IMMP2L: variants seen among roughly 807,000 people sequenced by gnomAD.
The protein encoded by IMMP2L is mitochondrial inner membrane protease subunit 2.
IMMP2L carries 18 observed loss-of-function variants against 19.3 expected under a neutral mutation model. The observed-to-expected ratio is 0.93, with a 90% confidence interval of 0.64 to 1.38. The LOEUF (loss-of-function observed/expected upper bound fraction) is 1.38. IMMP2L is among the 40% of genes most tolerant of loss of function. The pLI, the probability that IMMP2L is intolerant of heterozygous loss-of-function variation, is 0.00. For synonymous variants in IMMP2L, 76 were observed against 73.0 expected (o/e 1.04, Z -0.21); for missense variants, 233 against 218.2 (o/e 1.07, Z -0.43).
intron 5 of IMMP2L, among the ~76,000 whole-genome samples, chr7:110,712,023 C>T (rs1309329927): frequency 5.5e-5 from 2 of 36,176 alleles, no homozygotes; most frequent in African/African-American, 1.5e-4. Context: ...CAAAATCATT[C>T]TCCATCCAGC....
At chr7:110,997,721 T>C (rs901477242) in intron 3 of IMMP2L, among the ~76,000 whole-genome samples, 1 of 152,144 alleles carries the variant, frequency 6.6e-6, no homozygotes, top group African/African-American at 2.4e-5. Flanking sequence ...GCTTCTTTAC[T>C]GCTGAGTTTT....
chr7:110,753,720 G>A (rs1364772255), intron 5 of IMMP2L, among the ~76,000 whole-genome samples: 1 of 150,912 alleles, frequency 6.6e-6, no homozygotes, highest in African/African-American at 2.5e-5. Context: ...AAAGGTAAGA[G>A]GCTTTCATTT....
intron 5 of IMMP2L, among the ~76,000 whole-genome samples, chr7:110,734,136 C>T (rs1163561014): frequency 6.6e-6 from 1 of 152,088 alleles, no homozygotes; most frequent in Non-Finnish European, 1.5e-5. Flanking sequence ...AAGTGCATTG[C>T]CATGAACAGA....
intron 3 of IMMP2L, among the ~76,000 whole-genome samples, chr7:111,287,008 G>A (rs543654215): frequency 6.6e-6 from 1 of 152,304 alleles, no homozygotes; most frequent in African/African-American, 2.4e-5. Context: ...GCTCTCCCTA[G>A]AGAAGTGAGA....
chr7:111,342,946 AAT>A (rs1827171868), intron 3 of IMMP2L, among the ~76,000 whole-genome samples: 1 of 152,034 alleles, frequency 6.6e-6, no homozygotes, highest in Non-Finnish European at 1.5e-5. Context: ...GCTAAACTCA[AAT>A]TGCCTAAAAA....
intron 3 of IMMP2L, among the ~76,000 whole-genome samples, chr7:110,995,443 C>T (rs1205650904): frequency 6.6e-6 from 1 of 152,086 alleles, no homozygotes; most frequent in Non-Finnish European, 1.5e-5. Flanking sequence ...TGCTAATCAG[C>T]AAGAGGCTAT....
intron 3 of IMMP2L, among the ~76,000 whole-genome samples, chr7:111,289,777 C>T (rs184588507): frequency 6.6e-6 from 1 of 151,784 alleles, no homozygotes; most frequent in East Asian, 1.9e-4. Flanking sequence ...GCTCTGCCTC[C>T]CCAGCTCAAA....
At chr7:111,127,790 T>C (rs893930391) in intron 3 of IMMP2L, among the ~76,000 whole-genome samples, 2 of 152,178 alleles carry the variant, frequency 1.3e-5, no homozygotes, top group Non-Finnish European at 2.9e-5. Flanking sequence ...CTGCTCACCT[T>C]GTATGGAGAA....
chr7:111,272,934 T>C lies in IMMP2L; in HGVS notation c.239+214304A>G, dbSNP rs113824721. On this transcript the variant is annotated intron_variant, in intron 3 of 5. Transcript: ENST00000405709. ...ATCTAGATGTTGGAGGAGGTGACAA[T>C]GGAGTCTTGATAGAGTATAAAGAAC... is the stretch of plus-strand genomic sequence containing the variant. Among the ~76,000 whole-genome samples the C allele has an allele frequency of 3.1e-3, 471 of 152,134 alleles. 3 individuals are homozygous for C. Among genetic ancestry groups the C allele is most frequent in the African/African-American group, 0.011 (446 of 41,484 alleles).
At chr7:111,402,728 A>G (rs1298361148) in intron 3 of IMMP2L, among the ~76,000 whole-genome samples, 2 of 151,922 alleles carry the variant, frequency 1.3e-5, no homozygotes, top group Non-Finnish European at 2.9e-5. Flanking sequence ...AAAACAAAAA[A>G]AGCTTCAATT....
At chr7:111,521,542 A>C in intron 1 of IMMP2L, 93 bp from the exon 2 acceptor site, 8 of 1,101,172 alleles carry the variant, frequency 7.3e-6, no homozygotes, top group Non-Finnish European at 1.0e-5. Context: ...AGAGTTACCG[A>C]AGGGCAATCT....
In IMMP2L at chr7:111,494,943, CTT is replaced by C. The variant is rs1289311228; in HGVS notation, c.136-7604_136-7603del. Among the ~76,000 whole-genome samples the C allele has an allele frequency of 2.0e-5, 3 of 152,178 alleles. No individual in the cohort carries two copies. The East Asian group carries it at 5.8e-4, about 29-fold the overall frequency. ...AAATTCTACCCCTCATTTCTAAATT[CTT>C]TGTTGATTGTTTCCTCACTTTTTTA... On this transcript the variant is annotated intron_variant, in intron 2 of 5. Transcript: ENST00000405709.
chr7:110,963,162 T>A (rs979935413), intron 4 of IMMP2L: 11 of 1,196,470 alleles, frequency 9.2e-6, no homozygotes, highest in Non-Finnish European at 1.3e-5. Flanking sequence ...TGAATTTTTT[T>A]AAATGAACCT....
intron 1 of IMMP2L, among the ~76,000 whole-genome samples, chr7:111,535,633 G>T (rs1242771286): frequency 6.6e-6 from 1 of 152,058 alleles, no homozygotes; most frequent in African/African-American, 2.4e-5. Context: ...CCAACCCAAG[G>T]GTATAGAGTC....
chr7:111,424,349 G>A (rs1023601710), intron 3 of IMMP2L, among the ~76,000 whole-genome samples: 4 of 151,652 alleles, frequency 2.6e-5, no homozygotes, highest in African/African-American at 4.9e-5. Flanking sequence ...GGGTGGTTTC[G>A]GTAGATTCTT....
intron 3 of IMMP2L, among the ~76,000 whole-genome samples, chr7:111,242,352 C>T (rs1374813042): frequency 6.6e-6 from 1 of 152,018 alleles, no homozygotes; most frequent in East Asian, 1.9e-4. Flanking sequence ...TAACTGAAGT[C>T]CAATTTGTTT....
intron 3 of IMMP2L, among the ~76,000 whole-genome samples, chr7:111,132,770 T>C (rs568169658): frequency 7.6e-4 from 116 of 152,128 alleles, no homozygotes; most frequent in African/African-American, 2.6e-3. Context: ...CAAACTTATC[T>C]GTGTGATTAA....
At chr7:110,694,339 T>C (rs565462576) in intron 5 of IMMP2L, among the ~76,000 whole-genome samples, 23 of 152,100 alleles carry the variant, frequency 1.5e-4, no homozygotes, top group Non-Finnish European at 2.6e-4. Flanking sequence ...AAGAAAGTGT[T>C]TGGCATCTGT....
intron 3 of IMMP2L, among the ~76,000 whole-genome samples, chr7:111,250,177 T>C (rs1470730726): frequency 6.6e-6 from 1 of 151,868 alleles, no homozygotes; most frequent in Non-Finnish European, 1.5e-5. Context: ...GAGAATAAAA[T>C]ACCTAGGAAT....
Sources: gnomAD v4.1 joint callset for allele counts (sites outside exome capture counted in the v4.1 genomes callset) on GRCh38, gnomAD v4.1.1 for gene constraint, MANE v1.5 for transcripts, NCBI Gene and HGNC (gene_info 2026-07-23, HGNC 2026-07-21) for gene names.